Variants in GPATCH3 observed in about 807,000 individuals in gnomAD.
The protein encoded by GPATCH3 is G patch domain-containing protein 3.
A neutral mutation model predicts 53.2 loss-of-function variants in GPATCH3; 45 were observed. The ratio of observed to expected loss-of-function variants is 0.85; its 90% CI spans 0.67 to 1.08. The LOEUF (loss-of-function observed/expected upper bound fraction) is 1.08. GPATCH3 is among the 50% of genes least tolerant of loss of function. GPATCH3 has a pLI of 0.00. For missense variants in GPATCH3, 680 were observed against 687.2 expected, an observed-to-expected ratio of 0.99 and a Z score of 0.12; for synonymous variants, 280 against 270.6, an observed-to-expected ratio of 1.03 and a Z score of -0.34.
At chr1:26,899,705 G>A (rs1358082600) in intron 1 of GPATCH3, among the ~76,000 whole-genome samples, 1 of 152,198 alleles carries the variant, frequency 6.6e-6, no homozygotes, top group Non-Finnish European at 1.5e-5. Context: ...GTTAGAGACT[G>A]GATTTCCTTT....
In GPATCH3 at chr1:26,891,179, C is replaced by T. The variant is rs370743537; in HGVS notation, c.1409G>A (p.Arg470His). 21 of 1,613,814 alleles carry T rather than the reference C, an allele frequency of 1.3e-5. No homozygotes were observed. The African/African-American group carries it at 1.5e-4, about 11-fold the overall frequency. Residue 470 changes from arginine (R) to histidine (H), a missense_variant, in exon 7 of 7, where the codon CGT (arginine) becomes CAT (histidine). Arg to His is a conservative substitution (Grantham distance 29, BLOSUM62 0). Transcript: ENST00000361720. The stretch of plus-strand genomic sequence containing the variant: ...GGAGATGAGCCCCAAGCCATTTCTA[C>T]GGGGCCTCTTCAGTTGCCCAAATGG... ...LQPFGQLKRP[R>H]RNGLGLISTI...
At chr1:26,892,844 G>C (rs1477934721) in intron 4 of GPATCH3, 53 bp from the exon 5 acceptor site, 1 of 1,598,252 alleles carries the variant, frequency 6.3e-7, no homozygotes, top group Non-Finnish European at 8.6e-7. Flanking sequence ...GAAGGGGGAA[G>C]AATCAGGTTT....
chr1:26,898,692 G>A (rs1036827366), intron 1 of GPATCH3, among the ~76,000 whole-genome samples: 7 of 148,994 alleles, frequency 4.7e-5, no homozygotes, highest in African/African-American at 1.7e-4. Context: ...TTTGAGATGG[G>A]GTCTCGTTCT....
In GPATCH3 at chr1:26,897,537, G is replaced by A. The variant is rs762217780; in HGVS notation, c.640C>T (p.Arg214Trp). The A allele has an allele frequency of 3.5e-5, 56 of 1,614,074 alleles. No homozygotes were observed. In the Admixed American group the frequency reaches 3.7e-4, roughly 11 times the overall value. Residue 214 changes from arginine to tryptophan, a missense_variant, in exon 2 of 7, where the codon CGG (arginine) becomes TGG (tryptophan). Transcript: ENST00000361720. ...ELIRACRLPP[R>W]IITQLQLQFP... Reference sequence around the variant, plus strand: ...TGGAGCTGCAGCTGGGTGATGATCCGAGGGGGTAGGCGGCAGGCCCGGATC... The same window carrying A: ...TGGAGCTGCAGCTGGGTGATGATCCAAGGGGGTAGGCGGCAGGCCCGGATC...
intron 6 of GPATCH3, 48 bp from the exon 7 acceptor site, chr1:26,891,274 T>C (rs932350463): frequency 1.4e-6 from 2 of 1,473,504 alleles, no homozygotes; most frequent in Non-Finnish European, 9.4e-7. Context: ...CAAACTCCAG[T>C]TAAAGGGGTT....
rs950751254 is a variant in GPATCH3, at chr1:26,897,531, T to G, written c.646A>C (p.Ile216Leu). Reference protein sequence around the residue: ...IRACRLPPRIITQLQLQFPKT... With the variant: ...IRACRLPPRILTQLQLQFPKT... ...GGGAACTGGAGCTGCAGCTGGGTGA[T>G]GATCCGAGGGGGTAGGCGGCAGGCC... Residue 216 changes from isoleucine (I) to leucine (L), a missense_variant, in exon 2 of 7, where the codon ATC becomes CTC. Transcript: ENST00000361720. The G allele has an allele frequency of 1.2e-6, 2 of 1,614,180 alleles. No homozygotes were observed.
Position 26,900,414 on chromosome 1 carries a change from T to A in GPATCH3, c.29A>T (p.Glu10Val). ...GCTCACTACCAGGTAAACTGTCGCC[T>A]CCTCCTCCGCCTCGCCGGGCACCGC... MAVPGEAEE[E>V]ATVYLVVSGI... is the part of the protein sequence containing the mutation. The change falls in exon 1 of 7, where the codon GAG becomes GTG. Residue 10 changes from glutamate (E) to valine (V), a missense_variant. Coordinates refer to ENST00000361720, the MANE Select transcript of GPATCH3 (RefSeq NM_022078.3). 1 of 1,610,880 alleles carries A rather than the reference T, an allele frequency of 6.2e-7. No homozygotes were observed. The highest frequency in any genetic ancestry group is 8.5e-7 in the Non-Finnish European group (1 of 1,177,810).
chr1:26,899,331 GA>G (rs537697303), intron 1 of GPATCH3, among the ~76,000 whole-genome samples: 331 of 152,324 alleles, frequency 2.2e-3, no homozygotes, highest in African/African-American at 7.3e-3. Context: ...GGACTGTTGA[GA>G]GGGGTAAGAA....
intron 2 of GPATCH3, 99 bp downstream of exon 2, chr1:26,897,202 G>A: frequency 8.3e-7 from 1 of 1,201,346 alleles, no homozygotes; most frequent in Admixed American, 2.1e-5. Flanking sequence ...GAGGACCCCA[G>A]GTTAAGAACC....
At position 26,897,526 on chromosome 1, in the gene GPATCH3, G is replaced by T. The variant is rs1245951960; in HGVS notation, c.651C>A (p.Thr217=). ...TCTTGGGGAACTGGAGCTGCAGCTGGGTGATGATCCGAGGGGGTAGGCGGC... is the reference window on the plus strand; with the variant it reads ...TCTTGGGGAACTGGAGCTGCAGCTGTGTGATGATCCGAGGGGGTAGGCGGC... ...RACRLPPRII[T]QLQLQFPKTG... is the part of the protein sequence containing the mutation. The change falls in exon 2 of 7, where the codon ACC becomes ACA. Residue 217 remains threonine, a synonymous_variant. Transcript: ENST00000361720. The T allele has an allele frequency of 6.2e-7, 1 of 1,614,216 alleles. No individual in the cohort carries two copies. The highest frequency in any genetic ancestry group is 8.5e-7 in the Non-Finnish European group (1 of 1,180,042).
intron 1 of GPATCH3, 56 bp from the exon 2 acceptor site, chr1:26,897,781 G>A (rs2081958026): frequency 4.9e-6 from 7 of 1,417,446 alleles, no homozygotes; most frequent in Non-Finnish European, 5.7e-6. Flanking sequence ...CAACACTTGA[G>A]CCAGAAATTG....
intron 2 of GPATCH3, among the ~76,000 whole-genome samples, chr1:26,895,969 C>A (rs773869788): frequency 7.2e-5 from 11 of 152,156 alleles, no homozygotes; most frequent in African/African-American, 2.4e-4. Context: ...ACTTTTTACC[C>A]GGAGTACACA....
Position 26,892,441 on chromosome 1 carries a change from C to T in GPATCH3, c.1331G>A (p.Gly444Asp), listed in dbSNP as rs1361108610. ...TCCACGCTTGCATCTGGGGTGTTGG[C>T]CATCACTATCCAGGGCCTCAGGCAC... is the stretch of plus-strand genomic sequence containing the variant. ...SGVPEALDSD[G>D]QHPRCKRGLG... The change falls in exon 6 of 7, where the codon GGC (glycine) becomes GAC (aspartate). Residue 444 changes from glycine (G) to aspartate (D), a missense_variant. By Grantham distance (94) the Gly-to-Asp change is moderately conservative (BLOSUM62 -1). Coordinates refer to ENST00000361720, the MANE Select transcript of GPATCH3 (RefSeq NM_022078.3). The T allele has an allele frequency of 6.2e-7, 1 of 1,613,822 alleles. No individual in the cohort carries two copies. Among genetic ancestry groups the T allele is most frequent in the South Asian group, 1.1e-5 (1 of 91,072 alleles).
rs780755775 is a variant in GPATCH3, at chr1:26,891,102, G to A, written c.1486C>T (p.Arg496Cys). Residue 496 changes from arginine to cysteine, a missense_variant, in exon 7 of 7, where the codon CGC (arginine) becomes TGC (cysteine). Coordinates refer to ENST00000361720, the MANE Select transcript of GPATCH3 (RefSeq NM_022078.3). ...AACTTCATGCTGGTGGGTGGCTGGC[G>A]GCGGAGCAGTGACTCCGTCTGGTCT... is the stretch of plus-strand genomic sequence containing the variant. ...PQDQTESLLR[R>C]QPPTSMKFRT... 9 of 1,614,122 alleles carry A rather than the reference G, an allele frequency of 5.6e-6. No homozygotes were observed. Among genetic ancestry groups the A allele is most frequent in the Admixed American group, 1.7e-5 (1 of 60,014 alleles).
In GPATCH3 at chr1:26,890,850, C is replaced by A. The variant is rs1160917474; in HGVS notation, c.*160G>T. The stretch of plus-strand genomic sequence containing the variant: ...CGGGAGGGGGCTTTTTGTAAAAATG[C>A]CCCTGAGGTATAGAACCGGCAGGCA... On this transcript the variant is annotated 3_prime_UTR_variant, in exon 7 of 7. Coordinates refer to ENST00000361720, the MANE Select transcript of GPATCH3 (RefSeq NM_022078.3). 1.2e-6 allele frequency: 1 copy of A among 803,544 alleles called. No homozygotes were observed. The highest frequency in any genetic ancestry group is 2.3e-6 in the Non-Finnish European group (1 of 441,484). The allele number at this position is 803,544 out of a possible 1,614,324, so 49.8% of individuals were successfully genotyped here. A position where few individuals can be genotyped will look rare whatever the true frequency, so the allele number is the denominator to read the frequency against.
At chr1:26,896,556 C>T (rs895575239) in intron 2 of GPATCH3, among the ~76,000 whole-genome samples, 4 of 147,404 alleles carry the variant, frequency 2.7e-5, no homozygotes, top group African/African-American at 7.6e-5. Context: ...AAAAATTAGC[C>T]GGGCGTGGTG....
intron 2 of GPATCH3, among the ~76,000 whole-genome samples, chr1:26,895,658 GA>G (rs1321521422): frequency 6.8e-6 from 1 of 147,796 alleles, no homozygotes; most frequent in African/African-American, 2.5e-5. Context: ...TTTTTTTTGA[GA>G]CAGAGTCTCA....
Position 26,900,402 on chromosome 1 carries a change from T to G in GPATCH3, c.41A>C (p.Tyr14Ser), listed in dbSNP as rs956497436. 1.2e-6 allele frequency: 2 copies of G among 1,612,530 alleles called. No individual in the cohort carries two copies. The highest frequency in any genetic ancestry group is 2.7e-5 in the African/African-American group (2 of 74,900). ...GGAGGGGATACCGCTCACTACCAGG[T>G]AAACTGTCGCCTCCTCCTCCGCCTC... is the stretch of plus-strand genomic sequence containing the variant. ...PGEAEEEATV[Y>S]LVVSGIPSVL... Residue 14 changes from tyrosine (Y) to serine (S), a missense_variant, in exon 1 of 7, where the codon TAC (tyrosine) becomes TCC (serine). By Grantham distance (144) the Tyr-to-Ser change is moderately radical. Coordinates refer to ENST00000361720, the MANE Select transcript of GPATCH3 (RefSeq NM_022078.3).
chr1:26,898,255 G>A (rs1229793410), intron 1 of GPATCH3, among the ~76,000 whole-genome samples: 5 of 152,162 alleles, frequency 3.3e-5, no homozygotes, highest in African/African-American at 1.2e-4. Flanking sequence ...GTAGTTTCAT[G>A]TCACTTCTCA....
Sources: allele counts gnomAD v4.1 joint callset (sites outside exome capture counted in the v4.1 genomes callset), GRCh38; gene constraint gnomAD v4.1.1; transcripts MANE v1.5; gene names NCBI Gene and HGNC (gene_info 2026-07-23, HGNC 2026-07-21).